Variants in SGSM2 observed in about 807,000 individuals in gnomAD.
SGSM2 encodes the protein small G protein signaling modulator 2, also known as RUN and TBC1 domain containing 1.
In SGSM2, 89 loss-of-function variants were observed where a neutral mutation model predicts 126.6. That is an observed-to-expected ratio of 0.70 (90% confidence interval 0.59 to 0.84). The LOEUF is 0.84. SGSM2 is among the 40% of genes least tolerant of loss of function. SGSM2 has a pLI of 0.00. For missense variants in SGSM2, 1,404 were observed against 1,416.6 expected, an observed-to-expected ratio of 0.99 and a Z score of 0.14; for synonymous variants, 614 against 574.3, an observed-to-expected ratio of 1.07 and a Z score of -0.99.
At chr17:2,360,627 C>A (rs1289334819) in intron 2 of SGSM2, among the ~76,000 whole-genome samples, 1 of 152,250 alleles carries the variant, frequency 6.6e-6, no homozygotes, top group Admixed American at 6.5e-5. Flanking sequence ...AGCCCTCTTC[C>A]CATTTCACAG....
chr17:2,373,256 C>T, intron 16 of SGSM2, 75 bp from the exon 17 acceptor site: 2 of 1,559,340 alleles, frequency 1.3e-6, no homozygotes, highest in Non-Finnish European at 1.7e-6. Context: ...ACCCAAGGTC[C>T]AGTGCAGGCC....
chr17:2,360,509 G>A (rs996748861), intron 2 of SGSM2, among the ~76,000 whole-genome samples: 1 of 152,198 alleles, frequency 6.6e-6, no homozygotes, highest in African/African-American at 2.4e-5. Flanking sequence ...AACTGTATCT[G>A]AACCAACAGG....
Position 2,372,107 on chromosome 17 carries a change from C to A in SGSM2, c.1578-83C>A, listed in dbSNP as rs1181135805. 20 of 1,531,068 alleles carry A rather than the reference C, an allele frequency of 1.3e-5. No individual in the cohort carries two copies. Among genetic ancestry groups the A allele is most frequent in the Non-Finnish European group, 6.3e-6 (7 of 1,112,366 alleles). The allele number at this position is 1,531,068 out of a possible 1,614,324, so 94.8% of individuals were successfully genotyped here. A position where few individuals can be genotyped will look rare whatever the true frequency, so the allele number is the denominator to read the frequency against. On this transcript the variant is annotated intron_variant, in intron 13 of 23. Transcript: ENST00000268989. This position sits in a 1 kb window ranked among gnomAD's most constrained non-coding sequence, Gnocchi z 6.0. ...CCTCCCCAGTGCCTTACCTGCCCCC[C>A]AGGACAGAGCCTCCTCCCTTCTCTC...
Position 2,363,613 on chromosome 17 carries a change from A to T in SGSM2, c.807+14A>T. On this transcript the variant is annotated intron_variant, in intron 7 of 23. Transcript: ENST00000268989. The surrounding 1 kb of genome is among the most constrained non-coding windows in gnomAD (Gnocchi z 4.2). ...CTGGTGCAGCCGGTAGGAAAGCTTC[A>T]TCCTGCCATCCCTCCCCGAAGGTCC... The T allele has an allele frequency of 6.2e-7, 1 of 1,611,644 alleles. No individual in the cohort carries two copies. The highest frequency in any genetic ancestry group is 8.5e-7 in the Non-Finnish European group (1 of 1,178,582).
Position 2,372,493 on chromosome 17 carries a change from C to T in SGSM2, c.1788+5C>T. 1 of 1,597,328 alleles carries T rather than the reference C, an allele frequency of 6.3e-7. No individual in the cohort carries two copies. The highest frequency in any genetic ancestry group is 8.5e-7 in the Non-Finnish European group (1 of 1,175,454). ...AAGTATCAGAAGGACAAAAAGGTGC[C>T]AACCCTGGGGTTCCAGGGCCACAGG... On this transcript the variant is annotated splice_donor_5th_base_variant and intron_variant, in intron 15 of 23. Transcript: ENST00000268989. The surrounding 1 kb of genome is among the most constrained non-coding windows in gnomAD (Gnocchi z 6.0).
At chr17:2,376,451 C>A in intron 19 of SGSM2, 190 bp downstream of exon 19, 1 of 706,454 alleles carries the variant, frequency 1.4e-6, no homozygotes, top group Non-Finnish European at 2.3e-6. Context: ...CCTACCAGAC[C>A]TCCACTTCAG....
At chr17:2,365,115 C>T (rs2065498899) in intron 10 of SGSM2, 58 bp downstream of exon 10, 15 of 1,598,396 alleles carry the variant, frequency 9.4e-6, no homozygotes, top group Admixed American at 6.7e-5. Flanking sequence ...CTGCCCGCCT[C>T]CCTTCCTTCC....
In SGSM2 at chr17:2,379,580, G is replaced by A. The variant is rs1469810258; in HGVS notation, c.*60G>A. 1 of 1,576,162 alleles carries A rather than the reference G, an allele frequency of 6.3e-7. No homozygotes were observed. Among genetic ancestry groups the A allele is most frequent in the African/African-American group, 1.3e-5 (1 of 74,548 alleles). ...GGGCTCCGGCAGGGAGAGGTGCAGG[G>A]GAGTCACCGCCCAGACCTCCCCAGC... On this transcript the variant is annotated 3_prime_UTR_variant, in exon 24 of 24. Transcript: ENST00000268989.
chr17:2,353,505 G>C (rs2064960706), intron 2 of SGSM2, among the ~76,000 whole-genome samples: 1 of 152,218 alleles, frequency 6.6e-6, no homozygotes, highest in Admixed American at 6.5e-5. Flanking sequence ...GCTCACACCT[G>C]TAATCCCAGC....
chr17:2,371,395 C>T lies in SGSM2; in HGVS notation c.1557C>T (p.His519=). Reference sequence around the variant, plus strand: ...GCTCCCCACATGCAACCCCCAGCCACTGTAGCTGCATCCCCGACCGGTGAG... The same window carrying T: ...GCTCCCCACATGCAACCCCCAGCCATTGTAGCTGCATCCCCGACCGGTGAG... ...SSSSPHATPS[H]CSCIPDRLPL... The change falls in exon 13 of 24, where the codon CAC becomes CAT. Residue 519 remains histidine, a synonymous_variant. Transcript: ENST00000268989. 6.2e-7 allele frequency: 1 copy of T among 1,607,424 alleles called. No individual in the cohort carries two copies. The highest frequency in any genetic ancestry group is 1.3e-5 in the African/African-American group (1 of 74,858).
At chr17:2,376,631 C>A in intron 19 of SGSM2, 102 bp from the exon 20 acceptor site, 6 of 1,289,074 alleles carry the variant, frequency 4.7e-6, no homozygotes, top group South Asian at 1.2e-5. Flanking sequence ...CGTGGAAAGG[C>A]TGACTTCTGG....
rs2065642027 is a variant in SGSM2, at chr17:2,367,359, C to T, written c.1377C>T (p.Leu459=). 1 of 1,614,222 alleles carries T rather than the reference C, an allele frequency of 6.2e-7. No homozygotes were observed. Among genetic ancestry groups the T allele is most frequent in the Non-Finnish European group, 8.5e-7 (1 of 1,180,032 alleles). ...AGGAGGATAAACTGCACGCGATGCT[C>T]TCAATGATCTGCTCGCGGAACCTCA... The part of the protein sequence containing the change: ...EEEEDKLHAM[L]SMICSRNLTA... Residue 459 remains leucine (L), a synonymous_variant, in exon 12 of 24, where the codon CTC becomes CTT. Transcript: ENST00000268989. This position sits in a 1 kb window ranked among gnomAD's most constrained non-coding sequence, Gnocchi z 4.0.
intron 2 of SGSM2, among the ~76,000 whole-genome samples, chr17:2,357,266 T>C (rs182933950): frequency 6.6e-6 from 1 of 152,194 alleles, no homozygotes; most frequent in Non-Finnish European, 1.5e-5. Context: ...TTGCAGTTCC[T>C]TGAGCCTTGC....
At chr17:2,345,513 G>A (rs957202485) in intron 2 of SGSM2, among the ~76,000 whole-genome samples, 4 of 150,448 alleles carry the variant, frequency 2.7e-5, no homozygotes, top group Admixed American at 6.6e-5. Flanking sequence ...GGAGAATGGC[G>A]TGAACCCGGG....
At chr17:2,344,834 TCA>T (rs1047411226) in intron 2 of SGSM2, among the ~76,000 whole-genome samples, 7 of 152,182 alleles carry the variant, frequency 4.6e-5, no homozygotes, top group Admixed American at 2.0e-4. Flanking sequence ...TCTCTCACCC[TCA>T]GTTTGCTCCT....
At chr17:2,377,545 T>C (rs1424559582) in intron 21 of SGSM2, 1 of 243,408 alleles carries the variant, frequency 4.1e-6, no homozygotes, top group Non-Finnish European at 7.9e-6. Context: ...TGTGTGTGTG[T>C]GAATGCTCGT....
chr17:2,369,844 C>T (rs540788306), intron 12 of SGSM2, among the ~76,000 whole-genome samples: 1 of 152,312 alleles, frequency 6.6e-6, no homozygotes, highest in East Asian at 1.9e-4. Context: ...GCACCCTCCC[C>T]TTCTTCCCAG....
In SGSM2 at chr17:2,380,245, A is replaced by C. The variant is rs981272173; in HGVS notation, c.*725A>C. Reference sequence around the variant, plus strand: ...TGTACAGCCTCGCTCCTGCCACCCCACCCTTGCGTTCTGCATTAGGTACTT... The same window carrying C: ...TGTACAGCCTCGCTCCTGCCACCCCCCCCTTGCGTTCTGCATTAGGTACTT... On this transcript the variant is annotated 3_prime_UTR_variant, in exon 24 of 24. Coordinates refer to ENST00000268989, the MANE Select transcript of SGSM2 (RefSeq NM_014853.3). 6 of 1,535,630 alleles carry C rather than the reference A, an allele frequency of 3.9e-6. No homozygotes were observed. In the African/African-American group the frequency reaches 5.5e-5, roughly 14 times the overall value.
Position 2,365,055 on chromosome 17 carries a change from A to C in SGSM2, c.1159A>C (p.Lys387Gln). The C allele has an allele frequency of 1.2e-6, 2 of 1,611,886 alleles. No individual in the cohort carries two copies. Among genetic ancestry groups the C allele is most frequent in the Non-Finnish European group, 1.7e-6 (2 of 1,179,096 alleles). ...GCCCCCGCTGTGGACCCAGCAAGGG[A>C]AGGTAACTCGGGTGGGAGGCTTTAG... ...LEPPLWTQQG[K>Q]GKVFPKLRKR... is the part of the protein sequence containing the mutation. Residue 387 changes from lysine to glutamine, a missense_variant and splice_region_variant, in exon 10 of 24, where the codon AAG becomes CAG. Physicochemically the swap from Lys to Gln is moderately conservative, Grantham distance 53 (BLOSUM62 1). Coordinates refer to ENST00000268989, the MANE Select transcript of SGSM2 (RefSeq NM_014853.3).
Sources: gnomAD v4.1 joint callset for allele counts (sites outside exome capture counted in the v4.1 genomes callset) on GRCh38, gnomAD v4.1.1 for gene constraint, Gnocchi (gnomAD v3.1) non-coding constraint, MANE v1.5 for transcripts, NCBI Gene and HGNC (gene_info 2026-07-23, HGNC 2026-07-21) for gene names.